NCOA4: variants seen among roughly 807,000 people sequenced by gnomAD.
NCOA4 encodes nuclear receptor coactivator 4.
NCOA4 carries 31 observed loss-of-function variants against 69.5 expected under a neutral mutation model. The observed-to-expected ratio is 0.45, with a 90% confidence interval of 0.34 to 0.60. NCOA4 has a LOEUF of 0.60. NCOA4 is among the 20% of genes least tolerant of loss of function. NCOA4 has a pLI of 0.02. For missense variants in NCOA4, 600 were observed against 719.2 expected, an observed-to-expected ratio of 0.83 and a Z score of 1.90; for synonymous variants, 228 against 252.4, an observed-to-expected ratio of 0.90 and a Z score of 0.92.
intron 1 of NCOA4, among the ~76,000 whole-genome samples, chr10:46,020,074 C>T (rs1839788023): frequency 6.6e-6 from 1 of 152,200 alleles, no homozygotes; most frequent in Non-Finnish European, 1.5e-5. Flanking sequence ...TGAAGAGCCC[C>T]AACCATGGGT....
At chr10:46,012,116 ATACTCAACCTCCTTACTAATGGAAG>A (rs1839270349) in intron 7 of NCOA4, among the ~76,000 whole-genome samples, 7 of 145,906 alleles carry the variant, frequency 4.8e-5, no homozygotes, top group Non-Finnish European at 1.1e-4. Flanking sequence ...AAAAAAGAAA[ATACTCAACCTCCTTACTAATGGAAG>A]AAAAAACAAA....
rs138325691 is a variant in NCOA4, at chr10:46,011,681, G to A, written c.715-475C>T. 4.7e-3 allele frequency among the ~76,000 whole-genome samples: 722 copies of A among 152,238 alleles called. 5 individuals are homozygous for A. The highest frequency in any genetic ancestry group is 0.019 in the East Asian group (98 of 5,184). ...ATACTCTTATCTGATAGAAAAGGGT[G>A]TAATATGCCTTTACAAATAAAGCAC... On this transcript the variant is annotated intron_variant, in intron 7 of 9. Coordinates refer to ENST00000581486, the MANE Select transcript of NCOA4 (RefSeq NM_001145263.2).
intron 1 of NCOA4, chr10:46,023,473 C>G (rs1481270521): frequency 1.0e-6 from 1 of 985,618 alleles, no homozygotes; most frequent in African/African-American, 1.7e-5. Context: ...GGGCCACTAG[C>G]GAGCTGGAGC....
chr10:46,016,594 A>G lies in NCOA4; in HGVS notation c.87T>C (p.Leu29=). The change falls in exon 2 of 10, where the codon CTT becomes CTC. Residue 29 remains leucine (L), a synonymous_variant. Transcript: ENST00000581486. ...CAGCCCGGAGAACTCCACCAATAGC[A>G]AGCTCCAAGTCCCTCCGTGCATCAC... ...RCSDARRDLE[L]AIGGVLRAEQ... The G allele has an allele frequency of 2.6e-6, 4 of 1,565,114 alleles. No individual in the cohort carries two copies. The highest frequency in any genetic ancestry group is 3.5e-6 in the Non-Finnish European group (4 of 1,149,784).
chr10:46,023,518 C>T (rs1381667140), intron 1 of NCOA4: 1 of 985,430 alleles, frequency 1.0e-6, no homozygotes, highest in Non-Finnish European at 1.2e-6. Flanking sequence ...CGGAAAACTC[C>T]GCCCATTGTT....
At chr10:46,012,087 A>AAAAAAAAAAC (rs1839258290) in intron 7 of NCOA4, among the ~76,000 whole-genome samples, 1 of 138,900 alleles carries the variant, frequency 7.2e-6, no homozygotes, top group Non-Finnish European at 1.5e-5. Flanking sequence ...AAAAAAAAAA[A>AAAAAAAAAAC]AAAAAAAAAA....
chr10:46,022,166 T>G (rs529959410), intron 1 of NCOA4, among the ~76,000 whole-genome samples: 59 of 152,148 alleles, frequency 3.9e-4, no homozygotes, highest in African/African-American at 1.3e-3. Flanking sequence ...TCTGCCCCCC[T>G]TGCCACCTGC....
intron 9 of NCOA4, among the ~76,000 whole-genome samples, chr10:46,007,571 G>T (rs530085400): frequency 7.0e-6 from 1 of 143,678 alleles, no homozygotes; most frequent in Admixed American, 7.1e-5. Context: ...GACTAACACA[G>T]CCAGTGACTC....
chr10:46,013,588 A>G lies in NCOA4; in HGVS notation c.532T>C (p.Phe178Leu), dbSNP rs910281891. Residue 178 changes from phenylalanine (F) to leucine (L), a missense_variant, in exon 6 of 10, where the codon TTC becomes CTC. By Grantham distance (22) the Phe-to-Leu change is conservative. Coordinates refer to ENST00000581486, the MANE Select transcript of NCOA4 (RefSeq NM_001145263.2). ...AHASSANIGP[F>L]LEKRGCISMP... Reference sequence around the variant, plus strand: ...GAGATACAGCCTCTCTTCTCCAGGAAGGGCCCAATATTTGCTGAACTAGCA... The same window carrying G: ...GAGATACAGCCTCTCTTCTCCAGGAGGGGCCCAATATTTGCTGAACTAGCA... 6.2e-7 allele frequency: 1 copy of G among 1,613,096 alleles called. No individual in the cohort carries two copies. Among genetic ancestry groups the G allele is most frequent in the Non-Finnish European group, 8.5e-7 (1 of 1,179,218 alleles).
At chr10:46,029,048 AG>A (rs1446765996) in intron 1 of NCOA4, among the ~76,000 whole-genome samples, 44 of 140,028 alleles carry the variant, frequency 3.1e-4, no homozygotes, top group Non-Finnish European at 3.7e-4. Context: ...AAAAAAAAAA[AG>A]GGGGGGGTGA....
chr10:46,013,348 CT>C (rs1554922199), intron 6 of NCOA4, among the ~76,000 whole-genome samples: 1 of 152,138 alleles, frequency 6.6e-6, no homozygotes, highest in East Asian at 1.9e-4. Context: ...TTGATAATTA[CT>C]TTTTCTGTTA....
At chr10:46,027,540 C>A in intron 1 of NCOA4, 1 of 1,454,084 alleles carries the variant, frequency 6.9e-7, no homozygotes, top group South Asian at 1.3e-5. Context: ...TGTATGAAAA[C>A]AAAGTCAAGA....
chr10:46,011,199 G>C lies in NCOA4; in HGVS notation c.722C>G (p.Ser241Cys). 1 of 1,585,994 alleles carries C rather than the reference G, an allele frequency of 6.3e-7. No individual in the cohort carries two copies. ...KQTLENSQTSSRACNFFNNVG... is the reference protein window; with the variant it reads ...KQTLENSQTSCRACNFFNNVG... ...ATTATTGAAGAAATTGCAGGCTCTG[G>C]AAGAAGTCTACACAAAAAGTACACA... is the stretch of plus-strand genomic sequence containing the variant. The change falls in exon 8 of 10, where the codon TCC becomes TGC. Residue 241 changes from serine to cysteine, a missense_variant. Ser to Cys is a moderately radical substitution (Grantham distance 112). Transcript: ENST00000581486.
intron 1 of NCOA4, among the ~76,000 whole-genome samples, chr10:46,017,035 T>C (rs1356490950): frequency 2.6e-5 from 4 of 152,226 alleles, no homozygotes; most frequent in African/African-American, 9.6e-5. Flanking sequence ...ATAACACACA[T>C]ATAGTCATAT....
chr10:46,018,888 C>A (rs1839715281), intron 1 of NCOA4, among the ~76,000 whole-genome samples: 1 of 152,128 alleles, frequency 6.6e-6, no homozygotes, highest in South Asian at 2.1e-4. Flanking sequence ...GCCTTGACTG[C>A]ATCTTTAAGA....
Position 46,015,142 on chromosome 10 carries a change from G to A in NCOA4, c.266C>T (p.Ala89Val), listed in dbSNP as rs1554922848. Residue 89 changes from alanine (A) to valine (V), a missense_variant, in exon 3 of 10, where the codon GCT (alanine) becomes GTT (valine). Transcript: ENST00000581486. Reference sequence around the variant, plus strand: ...TCACCTTACCGAGTAGAGCTGCTGAGCCTGCTGTTGAAGTGTCTCCTCTTT... The same window carrying A: ...TCACCTTACCGAGTAGAGCTGCTGAACCTGCTGTTGAAGTGTCTCCTCTTT... ...QLKEETLQQQ[A>V]QQLYSLLGQF... 4 of 1,614,062 alleles carry A rather than the reference G, an allele frequency of 2.5e-6. No homozygotes were observed. Among genetic ancestry groups the A allele is most frequent in the South Asian group, 2.2e-5 (2 of 91,084 alleles).
chr10:46,023,445 G>T, intron 1 of NCOA4: 1 of 985,710 alleles, frequency 1.0e-6, no homozygotes, highest in African/African-American at 1.7e-5. Flanking sequence ...CGCGTCACAC[G>T]GCAACTCCAG....
At chr10:46,011,791 C>T (rs1009837838) in intron 7 of NCOA4, among the ~76,000 whole-genome samples, 2 of 151,686 alleles carry the variant, frequency 1.3e-5, no homozygotes, top group Non-Finnish European at 2.9e-5. Context: ...CGGTGGTTCA[C>T]GCCTGTAATC....
intron 1 of NCOA4, among the ~76,000 whole-genome samples, chr10:46,030,191 T>G (rs1184508015): frequency 6.6e-6 from 1 of 151,282 alleles, no homozygotes; most frequent in Non-Finnish European, 1.5e-5. Flanking sequence ...GAGCAGGAGG[T>G]GTCCGAGCCG....
Sources: allele counts gnomAD v4.1 joint callset (sites outside exome capture counted in the v4.1 genomes callset), GRCh38; gene constraint gnomAD v4.1.1; transcripts MANE v1.5; gene names NCBI Gene and HGNC (gene_info 2026-07-23, HGNC 2026-07-21).